TCF7L2: variants seen among roughly 807,000 people sequenced by gnomAD.
TCF7L2 encodes transcription factor 7-like 2.
In TCF7L2, 23 loss-of-function variants were observed where a neutral mutation model predicts 77.9. The ratio of observed to expected loss-of-function variants is 0.30; its 90% CI spans 0.21 to 0.42. The LOEUF is 0.42. Ranked by LOEUF, TCF7L2 falls within the 10% of genes least tolerant of loss-of-function variation. The pLI, the probability that TCF7L2 is intolerant of heterozygous loss-of-function variation, is 1.00. For missense variants in TCF7L2, 654 were observed against 793.1 expected (o/e 0.82, Z 2.11); for synonymous variants, 413 against 340.2 (o/e 1.21, Z -2.36).
chr10:113,147,610 G>T (rs1176252347), intron 8 of TCF7L2, among the ~76,000 whole-genome samples: 2 of 152,070 alleles, frequency 1.3e-5, no homozygotes, highest in African/African-American at 4.8e-5. Context: ...ATGAGTAGGG[G>T]GTCTCCCAGG....
At chr10:112,989,515 T>C (rs1190856889) in intron 4 of TCF7L2, among the ~76,000 whole-genome samples, 1 of 152,144 alleles carries the variant, frequency 6.6e-6, no homozygotes, top group African/African-American at 2.4e-5. Context: ...AATTATGGCA[T>C]GTAATGTAAT....
chr10:113,009,461 G>A (rs2046098248), intron 4 of TCF7L2, among the ~76,000 whole-genome samples: 1 of 152,120 alleles, frequency 6.6e-6, no homozygotes, highest in Non-Finnish European at 1.5e-5. Context: ...TGTCCTTTTG[G>A]TGCCTTGTTG....
At chr10:113,117,306 G>A (rs28377563) in intron 5 of TCF7L2, among the ~76,000 whole-genome samples, 6,069 of 149,826 alleles carry the variant, frequency 0.041, 204 homozygotes, top group African/African-American at 0.088. Context: ...AGGAAGATAT[G>A]CTTTGCTTCT....
intron 5 of TCF7L2, among the ~76,000 whole-genome samples, chr10:113,066,000 A>T (rs1328588274): frequency 6.6e-6 from 1 of 152,206 alleles, no homozygotes; most frequent in Non-Finnish European, 1.5e-5. Flanking sequence ...GGAGTCCATG[A>T]TTCAAGGAGC....
intron 5 of TCF7L2, among the ~76,000 whole-genome samples, chr10:113,089,858 C>T (rs1197366019): frequency 6.6e-6 from 1 of 152,172 alleles, no homozygotes; most frequent in Non-Finnish European, 1.5e-5. Context: ...ACAACATTAT[C>T]CCATTAAACT....
intron 13 of TCF7L2, 100 bp from the exon 15 acceptor site, chr10:113,165,455 C>T: frequency 7.6e-7 from 1 of 1,317,132 alleles, no homozygotes; most frequent in Non-Finnish European, 1.1e-6. Flanking sequence ...CTCTGTGGGA[C>T]ATCCCTTAGG....
chr10:113,015,177 T>C (rs960934164), intron 4 of TCF7L2, among the ~76,000 whole-genome samples: 12 of 152,144 alleles, frequency 7.9e-5, no homozygotes, highest in African/African-American at 2.9e-4. Context: ...CAGAACAAGA[T>C]TCCGTTTCAA....
intron 5 of TCF7L2, among the ~76,000 whole-genome samples, chr10:113,096,211 G>C (rs1224533686): frequency 6.6e-6 from 1 of 152,166 alleles, no homozygotes; most frequent in Non-Finnish European, 1.5e-5. Flanking sequence ...CTATCAGTCA[G>C]CGTCTCTGTT....
chr10:113,013,573 G>T (rs796211261), intron 4 of TCF7L2, among the ~76,000 whole-genome samples: 7 of 152,300 alleles, frequency 4.6e-5, no homozygotes, highest in African/African-American at 9.6e-5. Context: ...TGGATTTAAA[G>T]ATTTTTTTGG....
chr10:113,027,859 G>T (rs1008493169), intron 4 of TCF7L2, among the ~76,000 whole-genome samples: 1 of 152,032 alleles, frequency 6.6e-6, no homozygotes, highest in South Asian at 2.1e-4. Flanking sequence ...TCTCTGGGAT[G>T]GTCTGTTCTT....
At chr10:113,041,971 G>T (rs970644633) in intron 5 of TCF7L2, among the ~76,000 whole-genome samples, 1 of 152,140 alleles carries the variant, frequency 6.6e-6, no homozygotes, top group Non-Finnish European at 1.5e-5. Flanking sequence ...CCTGGCAGTG[G>T]TTCAGAGTGG....
In TCF7L2 at chr10:113,167,463, T is replaced by C. The variant is rs1016655797; in HGVS notation, c.*1491T>C. The stretch of plus-strand genomic sequence containing the variant: ...CGATTGTAAAACTGTCTCCGATTTT[T>C]CTCTGGTTTATTAAAATGCTAACTA... On this transcript the variant is annotated 3_prime_UTR_variant, in exon 14 of 14. Coordinates refer to ENST00000627217, the MANE Select transcript of TCF7L2 (RefSeq NM_001146274.2). The C allele has an allele frequency of 4.5e-6, 1 of 223,260 alleles. No homozygotes were observed. Among genetic ancestry groups the C allele is most frequent in the Non-Finnish European group, 8.9e-6 (1 of 111,960 alleles). The allele number at this position is 223,260 out of a possible 1,614,324, so 13.8% of individuals were successfully genotyped here. A position where few individuals can be genotyped will look rare whatever the true frequency, so the allele number is the denominator to read the frequency against.
chr10:113,146,632 T>C (rs1159222156), intron 8 of TCF7L2, among the ~76,000 whole-genome samples: 1 of 151,660 alleles, frequency 6.6e-6, no homozygotes, highest in Non-Finnish European at 1.5e-5. Context: ...TTTTTTTTTT[T>C]TTAAAAAAAA....
intron 5 of TCF7L2, among the ~76,000 whole-genome samples, chr10:113,071,175 C>G (rs1035608717): frequency 6.6e-6 from 1 of 152,168 alleles, no homozygotes; most frequent in Non-Finnish European, 1.5e-5. Flanking sequence ...CCTCCCTACC[C>G]GCTTTGCTAC....
chr10:112,964,204 C>T (rs190779435), intron 3 of TCF7L2, among the ~76,000 whole-genome samples: 6 of 152,210 alleles, frequency 3.9e-5, no homozygotes, highest in Non-Finnish European at 7.4e-5. Flanking sequence ...TTGCAGCGCA[C>T]AGTTCATTTT....
chr10:112,951,568 C>T lies in TCF7L2; in HGVS notation c.342C>T (p.Pro114=), dbSNP rs2134205650. 4 of 1,389,430 alleles carry T rather than the reference C, an allele frequency of 2.9e-6. No individual in the cohort carries two copies. The highest frequency in any genetic ancestry group is 2.9e-6 in the Non-Finnish European group (3 of 1,044,250). The allele number at this position is 1,389,430 out of a possible 1,614,324, so 86.1% of individuals were successfully genotyped here. A position where few individuals can be genotyped will look rare whatever the true frequency, so the allele number is the denominator to read the frequency against. ...TCATGATCCCCGACCTGACGAGCCCCTACCTCCCCAACGGATCGCTCTCGC... is the reference window on the plus strand; with the variant it reads ...TCATGATCCCCGACCTGACGAGCCCTTACCTCCCCAACGGATCGCTCTCGC... The change falls in exon 3 of 14, where the codon CCC becomes CCT. Residue 114 remains proline (P), a synonymous_variant. Transcript: ENST00000627217.
At chr10:113,160,145 G>T (rs2137442138) in intron 12 of TCF7L2, among the ~76,000 whole-genome samples, 153 bp downstream of exon 14, 1 of 152,084 alleles carries the variant, frequency 6.6e-6, no homozygotes, top group African/African-American at 2.4e-5. Context: ...TTCTATGAGG[G>T]ATGTGCTTGT....
intron 5 of TCF7L2, among the ~76,000 whole-genome samples, chr10:113,070,037 C>G (rs976175284): frequency 6.6e-6 from 1 of 151,872 alleles, no homozygotes; most frequent in Non-Finnish European, 1.5e-5. Context: ...GCGGGTGGAT[C>G]ATGAGGTCAG....
chr10:113,161,428 C>G, intron 13 of TCF7L2: 1 of 771,362 alleles, frequency 1.3e-6, no homozygotes, highest in East Asian at 2.7e-5. Context: ...ACCCATGTTC[C>G]ACCTGCAGGT....
Sources: allele counts gnomAD v4.1 joint callset (sites outside exome capture counted in the v4.1 genomes callset), GRCh38; gene constraint gnomAD v4.1.1; transcripts MANE v1.5; gene names NCBI Gene and HGNC (gene_info 2026-07-23, HGNC 2026-07-21).